The following AKAP6 variants were observed in gnomAD, a reference collection of about 807,000 sequenced individuals.
AKAP6 encodes the protein A-kinase anchor protein 6.
In AKAP6, 58 loss-of-function variants were observed where a neutral mutation model predicts 188.5. The ratio of observed to expected loss-of-function variants is 0.31; its 90% confidence interval spans 0.25 to 0.38. The LOEUF is 0.38. AKAP6 is among the 10% of genes least tolerant of loss of function. The pLI, the probability that AKAP6 is intolerant of heterozygous loss-of-function variation, is 1.00. For missense variants in AKAP6, 2,710 were observed against 2,740.0 expected, an observed-to-expected ratio of 0.99 and a Z score of 0.24; for synonymous variants, 989 against 998.6, an observed-to-expected ratio of 0.99 and a Z score of 0.18.
At chr14:32,660,311 C>A (rs1888632393) in intron 7 of AKAP6, among the ~76,000 whole-genome samples, 1 of 152,076 alleles carries the variant, frequency 6.6e-6, no homozygotes, top group African/African-American at 2.4e-5. Context: ...AGCAAAGTCA[C>A]CAAAGCAGCC....
Position 32,823,877 on chromosome 14 carries a change from C to G in AKAP6, c.6064C>G (p.Leu2022Val). Residue 2022 changes from leucine to valine, a missense_variant, in exon 13 of 14, where the codon CTT becomes GTT. Around this residue, in one of 2 missense-constraint regions of AKAP6, gnomAD observed 2,473 missense variants for 2,426.1 expected, o/e 1.02. Coordinates refer to ENST00000280979, the MANE Select transcript of AKAP6 (RefSeq NM_004274.5). ...AAAATCTGCTGGTTGTTGCCTAGCA[C>G]TTGAACAAAACGGAACAGAGGAAAA... is the stretch of plus-strand genomic sequence containing the variant. The part of the protein sequence containing the change: ...AGKSAGCCLA[L>V]EQNGTEENAS... 1 of 1,613,816 alleles carries G rather than the reference C, an allele frequency of 6.2e-7. No homozygotes were observed. The highest frequency in any genetic ancestry group is 8.5e-7 in the Non-Finnish European group (1 of 1,179,932).
In AKAP6 at chr14:32,696,122, C is replaced by A; in HGVS notation, c.3000+12C>A. ...AGCATCTTTACAAGGTTAGAGCTAC[C>A]CTTCCTGCCTTTACCTTGCTGTGGA... On this transcript the variant is annotated intron_variant, in intron 9 of 13. Coordinates refer to ENST00000280979, the MANE Select transcript of AKAP6 (RefSeq NM_004274.5). 2 of 1,589,094 alleles carry A rather than the reference C, an allele frequency of 1.3e-6. 1 individual carries two copies. Among genetic ancestry groups the A allele is most frequent in the East Asian group, 4.5e-5 (2 of 43,994 alleles).
intron 2 of AKAP6, among the ~76,000 whole-genome samples, chr14:32,442,048 A>G (rs1890592714): frequency 6.6e-6 from 1 of 152,230 alleles, no homozygotes; most frequent in Non-Finnish European, 1.5e-5. Context: ...GGCATCCACC[A>G]GAGGTAGGAT....
At chr14:32,599,323 C>A in intron 5 of AKAP6, 87 bp from the exon 6 acceptor site, 1 of 1,116,080 alleles carries the variant, frequency 9.0e-7, no homozygotes, top group Non-Finnish European at 1.3e-6. Context: ...CTGTGTGGTT[C>A]TTGATAAAAA....
intron 1 of AKAP6, among the ~76,000 whole-genome samples, chr14:32,352,100 TG>T (rs1566458672): frequency 0.012 from 1,375 of 116,566 alleles, 16 homozygotes; most frequent in African/African-American, 0.032. Flanking sequence ...TGTGTGTGTG[TG>T]TTTGTGTGTG....
At chr14:32,434,253 T>C (rs1021881942) in intron 2 of AKAP6, among the ~76,000 whole-genome samples, 2 of 152,190 alleles carry the variant, frequency 1.3e-5, no homozygotes, top group African/African-American at 4.8e-5. Flanking sequence ...AATTCTGACA[T>C]AGTAGGGAAG....
At chr14:32,519,428 G>A (rs1256899746) in intron 2 of AKAP6, among the ~76,000 whole-genome samples, 2 of 152,242 alleles carry the variant, frequency 1.3e-5, no homozygotes, top group East Asian at 3.9e-4. Context: ...AGACCCATCA[G>A]TGTGCTGTAT....
rs149410590 is a variant in AKAP6 at position 32,773,637 on chromosome 14, C to T, written c.3373-41C>T. 8,612 of 1,559,298 alleles carry T rather than the reference C, an allele frequency of 5.5e-3. 62 individuals carry two copies. The highest frequency in any genetic ancestry group is 6.1e-3 in the Non-Finnish European group (6,986 of 1,142,904). ...GTGTTTCATGTTTTAGGGAACTCTG[C>T]CCTATAAACACTCATAGATTGGTTT... On this transcript the variant is annotated intron_variant, in intron 11 of 13. Coordinates refer to ENST00000280979, the MANE Select transcript of AKAP6 (RefSeq NM_004274.5).
Position 32,824,394 on chromosome 14 carries a change from G to A in AKAP6, c.6581G>A (p.Cys2194Tyr). ...EAAMPLQATA[C>Y]SSEFSDSSLS... ...GCAATGCCACTACAAGCAACAGCATGTTCTTCTGAGTTCAGTGATAGTTCT... is the reference window on the plus strand; with the variant it reads ...GCAATGCCACTACAAGCAACAGCATATTCTTCTGAGTTCAGTGATAGTTCT... The change falls in exon 13 of 14, where the codon TGT becomes TAT. Residue 2194 changes from cysteine to tyrosine, a missense_variant. Physicochemically the swap from Cys to Tyr is radical, Grantham distance 194. Around this residue, in one of 2 missense-constraint regions of AKAP6, gnomAD observed 2,473 missense variants for 2,426.1 expected, o/e 1.02. Transcript: ENST00000280979. 1 of 1,613,946 alleles carries A rather than the reference G, an allele frequency of 6.2e-7. No homozygotes were observed. The highest frequency in any genetic ancestry group is 8.5e-7 in the Non-Finnish European group (1 of 1,179,962).
At chr14:32,713,342 C>G (rs1267854908) in intron 9 of AKAP6, among the ~76,000 whole-genome samples, 2 of 151,998 alleles carry the variant, frequency 1.3e-5, no homozygotes, top group Non-Finnish European at 2.9e-5. Flanking sequence ...GAAATGAGCA[C>G]TGGCTTCAAC....
chr14:32,663,323 G>T (rs751580597), intron 7 of AKAP6, among the ~76,000 whole-genome samples: 11 of 152,018 alleles, frequency 7.2e-5, no homozygotes, highest in Non-Finnish European at 1.0e-4. Flanking sequence ...ATGGAAATAA[G>T]CCATATCAGA....
chr14:32,812,981 A>C (rs775065859), intron 12 of AKAP6, among the ~76,000 whole-genome samples: 1 of 152,126 alleles, frequency 6.6e-6, no homozygotes, highest in Non-Finnish European at 1.5e-5. Flanking sequence ...TCTACTATTT[A>C]ATCCAACTTT....
chr14:32,634,677 G>A (rs1284337987), intron 7 of AKAP6, among the ~76,000 whole-genome samples: 1 of 151,754 alleles, frequency 6.6e-6, no homozygotes, highest in Admixed American at 6.6e-5. Context: ...AGGGAGTAGG[G>A]GTGCAGTCAG....
At chr14:32,756,907 G>A (rs2032356055) in intron 11 of AKAP6, among the ~76,000 whole-genome samples, 3 of 152,084 alleles carry the variant, frequency 2.0e-5, no homozygotes, top group Non-Finnish European at 4.4e-5. Flanking sequence ...CCTGGAGCTG[G>A]GGTGTGCATG....
At chr14:32,752,893 A>ATG (rs371097497) in intron 11 of AKAP6, among the ~76,000 whole-genome samples, 6 of 151,834 alleles carry the variant, frequency 4.0e-5, no homozygotes, top group African/African-American at 9.7e-5. Flanking sequence ...GCATTTCATT[A>ATG]TGTGTGTGTG....
intron 13 of AKAP6, among the ~76,000 whole-genome samples, chr14:32,828,305 T>A (rs1173424270): frequency 1.3e-5 from 2 of 152,152 alleles, no homozygotes; most frequent in African/African-American, 4.8e-5. Context: ...TCAACTAGGT[T>A]TAAGAAACTA....
At chr14:32,381,546 C>T (rs1888361287) in intron 1 of AKAP6, among the ~76,000 whole-genome samples, 3 of 151,924 alleles carry the variant, frequency 2.0e-5, no homozygotes, top group Non-Finnish European at 4.4e-5. Flanking sequence ...ACTTTGGTTC[C>T]ACTGTTTGGG....
chr14:32,551,541 C>T (rs1314807984), intron 4 of AKAP6, among the ~76,000 whole-genome samples: 5 of 138,622 alleles, frequency 3.6e-5, no homozygotes, highest in Admixed American at 7.5e-5. Flanking sequence ...CATGGCACTC[C>T]AGCCTGGGCA....
intron 7 of AKAP6, among the ~76,000 whole-genome samples, chr14:32,645,370 G>T (rs1390395487): frequency 1.3e-5 from 2 of 152,156 alleles, no homozygotes; most frequent in African/African-American, 4.8e-5. Flanking sequence ...ATTGCTGATT[G>T]TCAATATATT....
Sources: allele counts gnomAD v4.1 joint callset (sites outside exome capture counted in the v4.1 genomes callset), GRCh38; gene constraint gnomAD v4.1.1; regional missense constraint gnomAD v4.1.1; transcripts MANE v1.5; gene names NCBI Gene and HGNC (gene_info 2026-07-23, HGNC 2026-07-21).